Variants in NFIA observed in about 807,000 individuals in gnomAD.
NFIA encodes the protein nuclear factor I A.
Under a neutral mutation model 62.8 loss-of-function variants are expected in NFIA, and 8 were observed. The observed-to-expected ratio is 0.13, with a 90% CI of 0.07 to 0.23. The LOEUF is 0.23. NFIA is among the 10% of genes least tolerant of loss of function. The probability of loss-of-function intolerance (pLI) is 1.00; values close to 1 mark genes in which losing one functional copy is unlikely to be tolerated. For missense variants in NFIA, 410 were observed against 642.1 expected, an observed-to-expected ratio of 0.64 and a Z score of 3.91; for synonymous variants, 235 against 238.1, an observed-to-expected ratio of 0.99 and a Z score of 0.12.
At chr1:61,373,023 A>G (rs1049649607) in intron 6 of NFIA, among the ~76,000 whole-genome samples, 4 of 152,150 alleles carry the variant, frequency 2.6e-5, no homozygotes, top group Non-Finnish European at 4.4e-5. Flanking sequence ...AAAAAAATTC[A>G]TTTTCTTTTG....
intron 6 of NFIA, among the ~76,000 whole-genome samples, chr1:61,375,128 A>G (rs910243399): frequency 6.6e-6 from 1 of 152,196 alleles, no homozygotes; most frequent in South Asian, 2.1e-4. Context: ...ATTACAAGGT[A>G]TACTTTAAAT....
chr1:61,100,365 C>T (rs1391293220), intron 2 of NFIA, among the ~76,000 whole-genome samples: 2 of 152,086 alleles, frequency 1.3e-5, no homozygotes, highest in Non-Finnish European at 2.9e-5. Flanking sequence ...ACAAGCTCTA[C>T]TGTGTGACTG....
At chr1:61,262,515 G>T (rs1433556543) in intron 2 of NFIA, among the ~76,000 whole-genome samples, 1 of 152,202 alleles carries the variant, frequency 6.6e-6, no homozygotes, top group African/African-American at 2.4e-5. Flanking sequence ...AGGCCAACTG[G>T]AAGAATGTAT....
At chr1:61,077,632 C>T, upstream of NFIA, 1 of 1,421,370 alleles carries the variant, frequency 7.0e-7, no homozygotes, top group South Asian at 1.6e-5. Flanking sequence ...TGCAATGGTA[C>T]GTGGTACATC....
chr1:61,441,440 C>A (rs1025506951), intron 10 of NFIA, among the ~76,000 whole-genome samples: 11 of 151,958 alleles, frequency 7.2e-5, no homozygotes, highest in Non-Finnish European at 1.5e-4. Context: ...AGACAAAGGT[C>A]AAAATTCCCA....
intron 2 of NFIA, among the ~76,000 whole-genome samples, chr1:61,141,969 G>A (rs764387058): frequency 6.6e-6 from 1 of 152,076 alleles, no homozygotes; most frequent in African/African-American, 2.4e-5. Context: ...ACAGAATGGC[G>A]GATCTGTTAC....
At chr1:61,201,328 G>A (rs1652475918) in intron 2 of NFIA, among the ~76,000 whole-genome samples, 1 of 152,010 alleles carries the variant, frequency 6.6e-6, no homozygotes, top group African/African-American at 2.4e-5. Flanking sequence ...CAACTGACCT[G>A]TTTTCTGTTT....
At chr1:61,200,121 T>A (rs1570366775) in intron 2 of NFIA, among the ~76,000 whole-genome samples, 1 of 143,684 alleles carries the variant, frequency 7.0e-6, no homozygotes, top group East Asian at 2.0e-4. Flanking sequence ...TAGTCACCAT[T>A]TGCAGTGATG....
At position 61,138,666 on chromosome 1, in the gene NFIA, C is replaced by T. The variant is rs542663413; in HGVS notation, c.559+49986C>T. 5.9e-5 allele frequency among the ~76,000 whole-genome samples: 9 copies of T among 151,922 alleles called. 1 individual carries two copies. Among genetic ancestry groups the T allele is most frequent in the African/African-American group, 1.2e-4 (5 of 41,480 alleles). Reference sequence around the variant, plus strand: ...TACAATCTCAGCTCACTGCAACCTCCGCTTCCTGGGTTCCAGAAATCTCCC... The same window carrying T: ...TACAATCTCAGCTCACTGCAACCTCTGCTTCCTGGGTTCCAGAAATCTCCC... On this transcript the variant is annotated intron_variant, in intron 2 of 10. Coordinates refer to ENST00000403491, the MANE Select transcript of NFIA (RefSeq NM_001134673.4).
At chr1:61,169,636 C>G (rs890578587) in intron 2 of NFIA, among the ~76,000 whole-genome samples, 2 of 152,112 alleles carry the variant, frequency 1.3e-5, no homozygotes, top group African/African-American at 4.8e-5. Context: ...CCGATATTTA[C>G]TAAATGCCCC....
At chr1:61,303,290 A>T (rs1364061714) in intron 3 of NFIA, among the ~76,000 whole-genome samples, 1 of 152,218 alleles carries the variant, frequency 6.6e-6, no homozygotes, top group Non-Finnish European at 1.5e-5. Flanking sequence ...GTTGCACAGG[A>T]TACATCACTG....
At chr1:61,349,746 A>G (rs1662446367) in intron 4 of NFIA, among the ~76,000 whole-genome samples, 1 of 151,956 alleles carries the variant, frequency 6.6e-6, no homozygotes, top group Non-Finnish European at 1.5e-5. Context: ...AGCTAATTTA[A>G]TTTTTAAAAA....
At chr1:61,148,349 T>G (rs968648224) in intron 2 of NFIA, among the ~76,000 whole-genome samples, 2 of 152,214 alleles carry the variant, frequency 1.3e-5, no homozygotes, top group Non-Finnish European at 2.9e-5. Context: ...TTTGGACTTT[T>G]GTACATTTCA....
At chr1:61,210,097 G>T (rs1304324305) in intron 2 of NFIA, among the ~76,000 whole-genome samples, 1 of 152,168 alleles carries the variant, frequency 6.6e-6, no homozygotes, top group Non-Finnish European at 1.5e-5. Context: ...ACTGATGGTA[G>T]CCAGGCAAAG....
At chr1:61,082,231 G>C (rs1374021488), upstream of NFIA, 2 of 540,476 alleles carry the variant, frequency 3.7e-6, no homozygotes, top group Non-Finnish European at 6.2e-6. Flanking sequence ...GCGAGCGGGA[G>C]AGCGAGCAAG....
At chr1:61,385,447 T>C (rs1207693971) in intron 7 of NFIA, among the ~76,000 whole-genome samples, 1 of 152,150 alleles carries the variant, frequency 6.6e-6, no homozygotes, top group East Asian at 1.9e-4. Context: ...AATGTCCTCA[T>C]CAATATAGTG....
At chr1:61,320,020 G>A (rs1157330993) in intron 3 of NFIA, among the ~76,000 whole-genome samples, 4 of 152,050 alleles carry the variant, frequency 2.6e-5, no homozygotes, top group African/African-American at 9.7e-5. Context: ...TCAAAGGGCA[G>A]TCACCCATGG....
intron 3 of NFIA, among the ~76,000 whole-genome samples, chr1:61,328,077 C>T (rs1288477500): frequency 6.7e-6 from 1 of 150,324 alleles, no homozygotes; most frequent in Non-Finnish European, 1.5e-5. Context: ...AATGTCTGAT[C>T]ATATCATTTG....
chr1:61,134,309 T>C (rs1647139163), intron 2 of NFIA, among the ~76,000 whole-genome samples: 1 of 151,880 alleles, frequency 6.6e-6, no homozygotes, highest in Admixed American at 6.6e-5. Flanking sequence ...TTTATCTCTT[T>C]GCTTCTCAAT....
Sources: allele counts gnomAD v4.1 joint callset (sites outside exome capture counted in the v4.1 genomes callset), GRCh38; gene constraint gnomAD v4.1.1; transcripts MANE v1.5; gene names NCBI Gene and HGNC (gene_info 2026-07-23, HGNC 2026-07-21).